The following MANBA variants were observed in gnomAD, a reference collection of about 807,000 sequenced individuals.
MANBA encodes beta-mannosidase.
Under a neutral mutation model 111.1 loss-of-function variants are expected in MANBA, and 83 were observed. The observed-to-expected ratio is 0.75, with a 90% confidence interval of 0.63 to 0.90. The LOEUF (loss-of-function observed/expected upper bound fraction) is 0.90. Among genes scored for constraint, MANBA ranks in the 40% least tolerant of loss-of-function variants. The pLI, the probability that MANBA is intolerant of heterozygous loss-of-function variation, is 0.00. For missense variants in MANBA, 1,036 were observed against 1,069.0 expected (o/e 0.97, Z 0.43); for synonymous variants, 370 against 378.7 (o/e 0.98, Z 0.27).
intron 16 of MANBA, 53 bp from the exon 17 acceptor site, chr4:102,632,334 T>TAC: frequency 7.7e-7 from 1 of 1,298,318 alleles, no homozygotes. Context: ...AAGAGTTATA[T>TAC]AGTCTGTATA....
intron 9 of MANBA, among the ~76,000 whole-genome samples, chr4:102,669,610 G>T (rs987001996): frequency 5.9e-5 from 9 of 152,152 alleles, no homozygotes; most frequent in African/African-American, 1.7e-4. Context: ...TTGGGAGGCT[G>T]AGGCGGGGCG....
chr4:102,697,353 T>A (rs1047599438), intron 5 of MANBA, among the ~76,000 whole-genome samples: 10 of 152,068 alleles, frequency 6.6e-5, no homozygotes, highest in African/African-American at 2.4e-4. Flanking sequence ...TTATTTTATT[T>A]TATTTTTTTA....
intron 1 of MANBA, among the ~76,000 whole-genome samples, chr4:102,743,575 G>C (rs1317926798): frequency 2.0e-5 from 3 of 152,128 alleles, no homozygotes; most frequent in Admixed American, 1.3e-4. Context: ...AGACGGCAGG[G>C]TGGCAGAAGT....
intron 12 of MANBA, among the ~76,000 whole-genome samples, chr4:102,651,555 T>A (rs958772805): frequency 2.0e-5 from 3 of 152,160 alleles, no homozygotes; most frequent in African/African-American, 7.2e-5. Flanking sequence ...TATCCAGAGT[T>A]TTAATTCAAG....
chr4:102,726,756 T>C (rs1344208810), intron 1 of MANBA, 73 bp from the exon 2 acceptor site: 1 of 809,280 alleles, frequency 1.2e-6, no homozygotes, highest in African/African-American at 1.7e-5. Flanking sequence ...AAACATAAAA[T>C]AAATTATTAA....
chr4:102,728,051 G>T, intron 1 of MANBA: 1 of 506,316 alleles, frequency 2.0e-6, no homozygotes, highest in Non-Finnish European at 3.9e-6. Context: ...GGCTTTTGCA[G>T]GGGTGGAGAT....
Position 102,650,510 on chromosome 4 carries a change from T to C in MANBA, c.1869+27A>G, listed in dbSNP as rs780336841. ...CTCTTACATTAATTGCAGGAACCTG[T>C]TCAATTCTAGAATGAAAACAACTTA... On this transcript the variant is annotated intron_variant, in intron 13 of 16. Transcript: ENST00000647097. 15 of 1,585,442 alleles carry C rather than the reference T, an allele frequency of 9.5e-6. No individual in the cohort carries two copies. In the African/African-American group the frequency reaches 1.8e-4, roughly 19 times the overall value.
chr4:102,639,441 G>A (rs1266736424), intron 14 of MANBA, among the ~76,000 whole-genome samples: 1 of 152,168 alleles, frequency 6.6e-6, no homozygotes, highest in African/African-American at 2.4e-5. Context: ...ACACATGGCT[G>A]AGACTTTTGT....
chr4:102,742,402 TG>T, intron 1 of MANBA, among the ~76,000 whole-genome samples: 1 of 152,300 alleles, frequency 6.6e-6, no homozygotes, highest in East Asian at 1.9e-4. Flanking sequence ...CTATGAATCT[TG>T]GCTATGGGAG....
chr4:102,653,963 T>C (rs1730450919), intron 12 of MANBA, among the ~76,000 whole-genome samples: 1 of 152,102 alleles, frequency 6.6e-6, no homozygotes, highest in African/African-American at 2.4e-5. Flanking sequence ...GAATTATTGC[T>C]TGTGTGCCAG....
Position 102,635,884 on chromosome 4 carries a change from T to C in MANBA, c.2138A>G (p.Asp713Gly). 6.2e-7 allele frequency: 1 copy of C among 1,612,630 alleles called. No homozygotes were observed. The highest frequency in any genetic ancestry group is 1.1e-5 in the South Asian group (1 of 91,056). ...ACTTACACTGAGTGTCATCGAATAATCCGAGTGAAGATCTGACACACCATA... is the reference window on the plus strand; with the variant it reads ...ACTTACACTGAGTGTCATCGAATAACCCGAGTGAAGATCTGACACACCATA... ...YIYGVSDLHS[D>G]YSMTLSVRVH... is the part of the protein sequence containing the mutation. The change falls in exon 15 of 17, where the codon GAT becomes GGT. Residue 713 changes from aspartate (D) to glycine (G), a missense_variant. Physicochemically the swap from Asp to Gly is moderately conservative, Grantham distance 94 (BLOSUM62 -1). Transcript: ENST00000647097.
rs769797464 is a variant in MANBA, at chr4:102,634,823, T to C, written c.2380A>G (p.Lys794Glu). 1 of 1,614,156 alleles carries C rather than the reference T, an allele frequency of 6.2e-7. No individual in the cohort carries two copies. Among genetic ancestry groups the C allele is most frequent in the South Asian group, 1.1e-5 (1 of 91,076 alleles). Residue 794 changes from lysine to glutamate, a missense_variant, in exon 16 of 17, where the codon AAG becomes GAG. Lys to Glu is a moderately conservative substitution (Grantham distance 56). Coordinates refer to ENST00000647097, the MANE Select transcript of MANBA (RefSeq NM_005908.4). ...GCCTTGCAGAGCCCCACGGCCTCCT[T>C]CGGTGAGGACAAGAAGTGGTAGTTG... Reference protein sequence around the residue: ...PTNYHFLSSPKEAVGLCKAQI... With the variant: ...PTNYHFLSSPEEAVGLCKAQI...
intron 1 of MANBA, chr4:102,729,453 C>G (rs1421151944): frequency 1.9e-5 from 25 of 1,285,452 alleles, no homozygotes; most frequent in Non-Finnish European, 2.7e-5. Context: ...CAGATGTGTC[C>G]GAGATCTGGG....
At chr4:102,718,258 T>C (rs748282730) in intron 4 of MANBA, among the ~76,000 whole-genome samples, 3 of 152,206 alleles carry the variant, frequency 2.0e-5, no homozygotes, top group Non-Finnish European at 4.4e-5. Context: ...GTGTGGCGCA[T>C]ACTGAGCTTT....
At chr4:102,684,874 A>G (rs114264601) in intron 7 of MANBA, among the ~76,000 whole-genome samples, 129 of 152,336 alleles carry the variant, frequency 8.5e-4, no homozygotes, top group African/African-American at 2.9e-3. Flanking sequence ...CAGAACAGTG[A>G]GCAATTTAAA....
chr4:102,652,223 T>C (rs905352059), intron 12 of MANBA, among the ~76,000 whole-genome samples: 5 of 152,208 alleles, frequency 3.3e-5, no homozygotes, highest in African/African-American at 1.2e-4. Flanking sequence ...TACTTTTGTA[T>C]CAATTAACCA....
chr4:102,728,715 G>C, intron 1 of MANBA: 3 of 687,548 alleles, frequency 4.4e-6, no homozygotes, highest in Admixed American at 4.6e-5. Context: ...AGTCGCAGGA[G>C]GGGCAGGCTG....
At chr4:102,680,580 T>C in intron 7 of MANBA, among the ~76,000 whole-genome samples, 1 of 148,986 alleles carries the variant, frequency 6.7e-6, no homozygotes. Flanking sequence ...TGTCCAAAGT[T>C]CTAAAAAAAA....
At chr4:102,752,456 T>G in intron 1 of MANBA, 1 of 774,820 alleles carries the variant, frequency 1.3e-6, no homozygotes, top group Non-Finnish European at 2.4e-6. Flanking sequence ...CAGCAACTGA[T>G]TTCAGGATCT....
Sources: allele counts gnomAD v4.1 joint callset (sites outside exome capture counted in the v4.1 genomes callset), GRCh38; gene constraint gnomAD v4.1.1; transcripts MANE v1.5; gene names NCBI Gene and HGNC (gene_info 2026-07-23, HGNC 2026-07-21).